Variants in ANKS1B observed in about 807,000 individuals in gnomAD.
ANKS1B encodes ankyrin repeat and sterile alpha motif domain-containing protein 1B.
In ANKS1B, 36 loss-of-function variants were observed where a neutral mutation model predicts 148.3. That is an observed-to-expected ratio of 0.24 (90% CI 0.19 to 0.32). The LOEUF is 0.32. Ranked by LOEUF, ANKS1B falls within the 10% of genes least tolerant of loss-of-function variation. The probability of loss-of-function intolerance (pLI) is 1.00; values close to 1 mark genes in which losing one functional copy is unlikely to be tolerated. For missense variants in ANKS1B, 1,157 were observed against 1,542.6 expected (o/e 0.75, Z 4.19); for synonymous variants, 542 against 560.8 (o/e 0.97, Z 0.47).
chr12:99,232,952 C>T (rs952159844), intron 14 of ANKS1B, among the ~76,000 whole-genome samples: 1 of 151,972 alleles, frequency 6.6e-6, no homozygotes, highest in African/African-American at 2.4e-5. Context: ...ATCCGAAATG[C>T]TCCCAAATCT....
intron 9 of ANKS1B, among the ~76,000 whole-genome samples, chr12:99,613,624 T>C (rs967290754): frequency 2.6e-5 from 4 of 152,060 alleles, no homozygotes; most frequent in African/African-American, 9.7e-5. Flanking sequence ...GTATTGTCTG[T>C]TCTCACTTAT....
chr12:99,655,720 A>G (rs2098446762), intron 8 of ANKS1B, among the ~76,000 whole-genome samples: 1 of 152,196 alleles, frequency 6.6e-6, no homozygotes, highest in South Asian at 2.1e-4. Flanking sequence ...TATTTAGCAC[A>G]TATATTTTCC....
intron 14 of ANKS1B, among the ~76,000 whole-genome samples, chr12:99,176,810 C>A (rs1028701170): frequency 2.6e-5 from 4 of 152,214 alleles, no homozygotes; most frequent in Admixed American, 2.0e-4. Flanking sequence ...TTGCCTTCCA[C>A]CATCAATAAA....
At chr12:99,280,148 AAT>A (rs551687124) in intron 12 of ANKS1B, among the ~76,000 whole-genome samples, 3 of 150,642 alleles carry the variant, frequency 2.0e-5, no homozygotes, top group Admixed American at 2.0e-4. Flanking sequence ...AAACAGAACC[AAT>A]AGAGTCTGTG....
At chr12:99,816,622 G>A (rs1159729027) in intron 2 of ANKS1B, among the ~76,000 whole-genome samples, 1 of 151,676 alleles carries the variant, frequency 6.6e-6, no homozygotes, top group Non-Finnish European at 1.5e-5. Context: ...TGAATTGGTT[G>A]AGCTCAGATT....
intron 17 of ANKS1B, among the ~76,000 whole-genome samples, chr12:98,924,517 C>T (rs1038425292): frequency 6.6e-6 from 1 of 152,048 alleles, no homozygotes; most frequent in Admixed American, 6.6e-5. Context: ...TAGCTTCCCC[C>T]AAGCCACCCT....
At chr12:98,809,221 A>C (rs931817909) in intron 19 of ANKS1B, among the ~76,000 whole-genome samples, 83 of 152,282 alleles carry the variant, frequency 5.5e-4, no homozygotes, top group African/African-American at 1.9e-3. Context: ...TTCCCTCTCT[A>C]AACTTCATGC....
chr12:99,649,411 T>A lies in ANKS1B; in HGVS notation c.1272+5656A>T, dbSNP rs377481078. 1.9e-6 allele frequency: 3 copies of A among 1,591,464 alleles called. No individual in the cohort carries two copies. In the African/African-American group the frequency reaches 4.0e-5, roughly 21 times the overall value. ...AATAGAGATATGAATCCAACATACC[T>A]CCCACATATACTACGTTCAAGAGTT... On this transcript the variant is annotated intron_variant, in intron 9 of 26. Transcript: ENST00000683438.
intron 13 of ANKS1B, among the ~76,000 whole-genome samples, chr12:99,245,938 C>A (rs983590947): frequency 6.6e-5 from 10 of 152,152 alleles, no homozygotes. Flanking sequence ...CAAAACAACA[C>A]AGAGCAAAAT....
intron 25 of ANKS1B, among the ~76,000 whole-genome samples, chr12:98,756,035 G>C (rs1472113887): frequency 6.6e-6 from 1 of 152,116 alleles, no homozygotes; most frequent in Non-Finnish European, 1.5e-5. Context: ...CATTACTCTG[G>C]GGGAATTAGT....
chr12:98,926,988 G>A (rs1326219262), intron 17 of ANKS1B, among the ~76,000 whole-genome samples: 2 of 152,066 alleles, frequency 1.3e-5, no homozygotes, highest in East Asian at 1.9e-4. Context: ...CAAACTTGAT[G>A]AAAACTATTA....
At chr12:99,623,677 C>T (rs546048174) in intron 9 of ANKS1B, among the ~76,000 whole-genome samples, 1 of 151,992 alleles carries the variant, frequency 6.6e-6, no homozygotes, top group South Asian at 2.1e-4. Context: ...AAATAAAATA[C>T]CTAGGAATAC....
intron 14 of ANKS1B, among the ~76,000 whole-genome samples, chr12:99,171,159 C>T (rs944932645): frequency 1.3e-5 from 2 of 152,132 alleles, no homozygotes; most frequent in Admixed American, 6.5e-5. Context: ...AGAAAGATCT[C>T]GACTAACAAA....
chr12:99,680,224 C>T (rs546118080), intron 8 of ANKS1B, among the ~76,000 whole-genome samples: 4 of 152,160 alleles, frequency 2.6e-5, no homozygotes, highest in East Asian at 1.9e-4. Flanking sequence ...GTGGATCACT[C>T]GAGGCCAAAA....
At chr12:98,873,696 A>T (rs2099678986) in intron 17 of ANKS1B, among the ~76,000 whole-genome samples, 1 of 152,194 alleles carries the variant, frequency 6.6e-6, no homozygotes, top group Admixed American at 6.5e-5. Flanking sequence ...CAACCTAAAA[A>T]CAATGCCTTC....
chr12:99,912,103 G>A (rs559062937), intron 1 of ANKS1B, among the ~76,000 whole-genome samples: 12 of 152,292 alleles, frequency 7.9e-5, no homozygotes, highest in East Asian at 1.9e-4. Flanking sequence ...GGCGTGCAAG[G>A]GAAAACTTTT....
intron 14 of ANKS1B, among the ~76,000 whole-genome samples, chr12:99,181,903 T>C (rs1316162670): frequency 6.6e-6 from 1 of 152,070 alleles, no homozygotes; most frequent in Non-Finnish European, 1.5e-5. Flanking sequence ...CACCAGATCT[T>C]ATTCATTCTT....
chr12:99,165,123 G>T (rs995159331), intron 14 of ANKS1B, among the ~76,000 whole-genome samples: 9 of 151,936 alleles, frequency 5.9e-5, no homozygotes. Context: ...GCCTATATTA[G>T]ACAGGCAGAA....
At chr12:99,369,362 A>G (rs771157307) in intron 12 of ANKS1B, among the ~76,000 whole-genome samples, 7 of 152,208 alleles carry the variant, frequency 4.6e-5, no homozygotes, top group Non-Finnish European at 1.0e-4. Flanking sequence ...TTTACAAGAC[A>G]ATTGTCATCA....
Sources: gnomAD v4.1 joint callset for allele counts (sites outside exome capture counted in the v4.1 genomes callset) on GRCh38, gnomAD v4.1.1 for gene constraint, MANE v1.5 for transcripts, NCBI Gene and HGNC (gene_info 2026-07-23, HGNC 2026-07-21) for gene names.